ZNF385B: variants seen among roughly 807,000 people sequenced by gnomAD.
ZNF385B encodes zinc finger protein 385B, also known as zinc finger protein 533.
A neutral mutation model predicts 39.2 loss-of-function variants in ZNF385B; 23 were observed. That is an observed-to-expected ratio of 0.59 (90% CI 0.42 to 0.83). The LOEUF (loss-of-function observed/expected upper bound fraction) is 0.83, where lower values mean the gene tolerates loss of function less well. ZNF385B is among the 40% of genes least tolerant of loss of function. The probability of loss-of-function intolerance (pLI) is 0.00; values close to 1 mark genes in which losing one functional copy is unlikely to be tolerated. For missense variants in ZNF385B, 552 were observed against 598.9 expected, an observed-to-expected ratio of 0.92 and a Z score of 0.82; for synonymous variants, 205 against 222.6, an observed-to-expected ratio of 0.92 and a Z score of 0.70.
chr2:179,809,552 C>T (rs1020230805), intron 1 of ZNF385B, among the ~76,000 whole-genome samples: 1 of 152,070 alleles, frequency 6.6e-6, no homozygotes, highest in Middle Eastern at 3.4e-3. Context: ...ATGCTACATA[C>T]AGTGCTAAAA....
intron 3 of ZNF385B, among the ~76,000 whole-genome samples, chr2:179,634,004 T>C (rs1320548598): frequency 6.6e-6 from 1 of 152,142 alleles, no homozygotes; most frequent in East Asian, 1.9e-4. Flanking sequence ...TGGCTAGCCA[T>C]ATGTAGAAAG....
intron 1 of ZNF385B, among the ~76,000 whole-genome samples, chr2:179,827,387 T>C (rs1043108772): frequency 2.0e-5 from 3 of 152,166 alleles, no homozygotes; most frequent in African/African-American, 7.2e-5. Flanking sequence ...CAAAAGACTT[T>C]TAAGCAAGGA....
chr2:179,827,872 C>T (rs1707766921), intron 1 of ZNF385B, among the ~76,000 whole-genome samples: 1 of 152,188 alleles, frequency 6.6e-6, no homozygotes, highest in Non-Finnish European at 1.5e-5. Context: ...CCCTTATAAT[C>T]ATTACCTGCC....
chr2:179,813,760 T>G (rs1706882814), intron 1 of ZNF385B, among the ~76,000 whole-genome samples: 1 of 152,154 alleles, frequency 6.6e-6, no homozygotes, highest in Non-Finnish European at 1.5e-5. Flanking sequence ...TTCTTACACT[T>G]CCCAGCAGGC....
At chr2:179,514,929 C>A (rs1316092213) in intron 5 of ZNF385B, among the ~76,000 whole-genome samples, 1 of 152,136 alleles carries the variant, frequency 6.6e-6, no homozygotes, top group Admixed American at 6.6e-5. Context: ...CAGGTGTGCA[C>A]AATCACGCCT....
chr2:179,806,074 A>G (rs1364401340), intron 1 of ZNF385B, among the ~76,000 whole-genome samples: 2 of 152,226 alleles, frequency 1.3e-5, no homozygotes, highest in East Asian at 1.9e-4. Flanking sequence ...AAATATAACC[A>G]TACTAAAAAT....
intron 6 of ZNF385B, among the ~76,000 whole-genome samples, chr2:179,471,990 C>T (rs970943589): frequency 2.6e-5 from 4 of 152,158 alleles, no homozygotes; most frequent in East Asian, 3.9e-4. Flanking sequence ...TTCATTGATA[C>T]GAATGCTACA....
At chr2:179,586,571 T>C (rs1205637729) in intron 3 of ZNF385B, among the ~76,000 whole-genome samples, 4 of 152,184 alleles carry the variant, frequency 2.6e-5, no homozygotes. Flanking sequence ...ACAGCTCTTG[T>C]GTTATATTCG....
intron 3 of ZNF385B, among the ~76,000 whole-genome samples, chr2:179,587,913 C>T (rs1687217544): frequency 6.6e-6 from 1 of 152,144 alleles, no homozygotes; most frequent in Non-Finnish European, 1.5e-5. Context: ...ACAAACTTGC[C>T]CCATGCTTAG....
intron 1 of ZNF385B, chr2:179,814,306 T>C (rs1706921748): frequency 3.9e-6 from 1 of 255,434 alleles, no homozygotes; most frequent in Non-Finnish European, 7.9e-6. Context: ...CAGGCCATCC[T>C]CCCAGGAGAG....
chr2:179,729,900 C>G (rs959273603), intron 3 of ZNF385B, among the ~76,000 whole-genome samples: 1 of 152,182 alleles, frequency 6.6e-6, no homozygotes, highest in Non-Finnish European at 1.5e-5. Context: ...GTATCTGCTT[C>G]CCCTTCCGCC....
rs75493919 is a variant in ZNF385B, at chr2:179,828,495, A to T, written c.-155+32606T>A. Among the ~76,000 whole-genome samples the T allele has an allele frequency of 6.0e-3, 909 of 152,218 alleles. 8 individuals carry two copies. Among genetic ancestry groups the T allele is most frequent in the Middle Eastern group, 0.031 (9 of 294 alleles). The stretch of plus-strand genomic sequence containing the variant: ...CATTTCTGCTTTGTAGCTTAAGTAA[A>T]TTTTTTTAAAAGAAATAAATCCTTT... On this transcript the variant is annotated intron_variant, in intron 1 of 9. Transcript: ENST00000410066.
At chr2:179,841,555 G>A (rs950176718) in intron 1 of ZNF385B, among the ~76,000 whole-genome samples, 2 of 152,202 alleles carry the variant, frequency 1.3e-5, no homozygotes, top group African/African-American at 4.8e-5. Context: ...TGATATTTTG[G>A]TCTGGATAAT....
At chr2:179,704,095 T>C (rs1039658644) in intron 3 of ZNF385B, among the ~76,000 whole-genome samples, 2 of 152,210 alleles carry the variant, frequency 1.3e-5, no homozygotes, top group African/African-American at 4.8e-5. Flanking sequence ...ATAAGAATGT[T>C]CATTATATTG....
intron 3 of ZNF385B, among the ~76,000 whole-genome samples, chr2:179,712,186 G>T (rs1700048657): frequency 6.6e-6 from 1 of 151,974 alleles, no homozygotes. Context: ...AGTTTTGTTG[G>T]ATAAAATTAT....
chr2:179,700,201 C>G (rs147378724), intron 3 of ZNF385B, among the ~76,000 whole-genome samples: 16 of 152,220 alleles, frequency 1.1e-4, no homozygotes, highest in African/African-American at 3.4e-4. Context: ...CTTAAATGAT[C>G]CTTCTCTGTA....
chr2:179,642,250 A>C (rs1692330780), intron 3 of ZNF385B, among the ~76,000 whole-genome samples: 1 of 152,148 alleles, frequency 6.6e-6, no homozygotes, highest in African/African-American at 2.4e-5. Context: ...AGATGTCTTA[A>C]GGGAGTAAAT....
chr2:179,680,026 C>T (rs1010762787), intron 3 of ZNF385B, among the ~76,000 whole-genome samples: 1 of 152,144 alleles, frequency 6.6e-6, no homozygotes, highest in African/African-American at 2.4e-5. Flanking sequence ...ATAAACTTTT[C>T]ACTTTGAAAT....
chr2:179,582,320 G>C (rs1216093346), intron 3 of ZNF385B, among the ~76,000 whole-genome samples: 2 of 152,152 alleles, frequency 1.3e-5, no homozygotes, highest in African/African-American at 4.8e-5. Context: ...CTAATAAAGT[G>C]TCTAGCAGTT....
Sources: allele counts gnomAD v4.1 joint callset (sites outside exome capture counted in the v4.1 genomes callset), GRCh38; gene constraint gnomAD v4.1.1; transcripts MANE v1.5; gene names NCBI Gene and HGNC (gene_info 2026-07-23, HGNC 2026-07-21).